The following RP1 variants were observed in gnomAD, a reference collection of about 807,000 sequenced individuals.
RP1 encodes the protein oxygen-regulated protein 1.
In RP1, 16 loss-of-function variants were observed where a neutral mutation model predicts 14.8. The observed-to-expected ratio is 1.08, with a 90% CI of 0.73 to 1.65. The LOEUF is 1.65. Ranked by LOEUF, RP1 falls within the 40% of genes most tolerant of loss-of-function variation. The pLI is 0.00. For missense variants in RP1, 2,631 were observed against 2,535.0 expected (o/e 1.04, Z -0.81); for synonymous variants, 876 against 883.6 (o/e 0.99, Z 0.15).
chr8:54,759,070 G>A (rs745391150), exon 22 of RP1: 26 of 1,533,942 alleles, frequency 1.7e-5, no homozygotes, highest in Middle Eastern at 1.9e-4. Flanking sequence ...ATCTTTACCT[G>A]TCAAAGGTAA....
intron 1 of RP1, among the ~76,000 whole-genome samples, chr8:54,582,907 G>A (rs1177434478): frequency 1.3e-5 from 2 of 152,176 alleles, no homozygotes; most frequent in South Asian, 2.1e-4. Flanking sequence ...GGGCTGAGAG[G>A]ATGGGGTTTT....
chr8:54,687,658 G>A (rs1807599132), intron 12 of RP1, among the ~76,000 whole-genome samples: 1 of 152,090 alleles, frequency 6.6e-6, no homozygotes, highest in Admixed American at 6.6e-5. Flanking sequence ...TTTTATGGCT[G>A]CATAATATTC....
chr8:54,698,420 C>A (rs991527246), intron 12 of RP1, among the ~76,000 whole-genome samples: 2 of 152,138 alleles, frequency 1.3e-5, no homozygotes, highest in African/African-American at 4.8e-5. Context: ...GAAATAGGAA[C>A]GCTTTTACGC....
chr8:54,578,166 G>A (rs1266445189), intron 1 of RP1, among the ~76,000 whole-genome samples: 2 of 151,872 alleles, frequency 1.3e-5, no homozygotes, highest in Non-Finnish European at 1.5e-5. Flanking sequence ...ATTATAGAGC[G>A]AGAAATGGGA....
chr8:54,622,102 T>C lies in RP1; in HGVS notation c.616-15T>C. 1 of 1,614,018 alleles carries C rather than the reference T, an allele frequency of 6.2e-7. No individual in the cohort carries two copies. The highest frequency in any genetic ancestry group is 1.3e-5 in the African/African-American group (1 of 75,050). ...AATGTGCTCATCTCAGGATAATGAC[T>C]CTGGTCTCTTTTAGGTTCCCAGCCT... On this transcript the variant is annotated splice_polypyrimidine_tract_variant and intron_variant, in intron 2 of 3. Transcript: ENST00000220676.
rs576244844 is a variant in RP1 at position 54,630,077 on chromosome 8, C to G, written c.6195C>G (p.Val2065=). 1.2e-6 allele frequency: 2 copies of G among 1,613,802 alleles called. No individual in the cohort carries two copies. Among genetic ancestry groups the G allele is most frequent in the South Asian group, 2.2e-5 (2 of 91,046 alleles). Residue 2065 remains valine (V), a synonymous_variant, in exon 4 of 4, where the codon GTC becomes GTG. Transcript: ENST00000220676. ...SGQTNEIFKA[V]DENNNLLNNR... is the part of the protein sequence containing the mutation. ...AGACAAATGAAATCTTTAAAGCAGTCGATGAGAATAACAACTTATTAAATA... is the reference window on the plus strand; with the variant it reads ...AGACAAATGAAATCTTTAAAGCAGTGGATGAGAATAACAACTTATTAAATA...
chr8:54,858,960 GAGTGTCACTGTAGAGC>G (rs1812272568), intron 27 of RP1, among the ~76,000 whole-genome samples: 1 of 151,110 alleles, frequency 6.6e-6, no homozygotes, highest in South Asian at 2.1e-4. Flanking sequence ...CACTGTAAAG[GAGTGTCACTGTAGAGC>G]AGTGTCACTG....
intron 12 of RP1, among the ~76,000 whole-genome samples, chr8:54,687,718 C>T (rs1807602317): frequency 6.6e-6 from 1 of 152,112 alleles, no homozygotes; most frequent in African/African-American, 2.4e-5. Flanking sequence ...CATTGATGGG[C>T]ATTTGTGTCG....
intron 25 of RP1, among the ~76,000 whole-genome samples, chr8:54,846,704 C>G (rs1168557283): frequency 6.6e-6 from 1 of 151,848 alleles, no homozygotes; most frequent in Non-Finnish European, 1.5e-5. Context: ...ATACTTTCTT[C>G]TCATTTCTGC....
intron 12 of RP1, chr8:54,697,088 C>T: frequency 2.5e-6 from 4 of 1,571,892 alleles, no homozygotes; most frequent in African/African-American, 1.3e-5. Flanking sequence ...GATGGGCACA[C>T]CTGGCTATCG....
Position 54,626,311 on chromosome 8 carries a change from G to A in RP1, c.2429G>A (p.Cys810Tyr), listed in dbSNP as rs1806046371. The A allele has an allele frequency of 5.0e-6, 8 of 1,613,130 alleles. No homozygotes were observed. The highest frequency in any genetic ancestry group is 1.3e-5 in the African/African-American group (1 of 74,912). The change falls in exon 4 of 4, where the codon TGC becomes TAC. Residue 810 changes from cysteine to tyrosine, a missense_variant. Cys to Tyr is a radical substitution (Grantham distance 194). Coordinates refer to ENST00000220676, the MANE Select transcript of RP1 (RefSeq NM_006269.2). Reference sequence around the variant, plus strand: ...TTTCCTCACAATGAATCTAAATATTGCAAAAGTACTTTTGAAAACAAAAGT... The same window carrying A: ...TTTCCTCACAATGAATCTAAATATTACAAAAGTACTTTTGAAAACAAAAGT... ...KVFPHNESKY[C>Y]KSTFENKSLF...
chr8:54,786,596 A>G (rs938726826), intron 24 of RP1, among the ~76,000 whole-genome samples: 14 of 152,090 alleles, frequency 9.2e-5, no homozygotes, highest in African/African-American at 3.4e-4. Context: ...TTTTCATTGA[A>G]TACATGCTCC....
In RP1 at chr8:54,748,791, A is replaced by AT. The variant is rs1422389895; in HGVS notation, c.2809-6006dup. Among the ~76,000 whole-genome samples, 15 of 152,178 alleles carry AT rather than the reference A, an allele frequency of 9.9e-5. No homozygotes were observed. The East Asian group carries it at 2.5e-3, about 25-fold the overall frequency. On this transcript the variant is annotated intron_variant, in intron 19 of 22. Transcript: ENST00000636932. The stretch of plus-strand genomic sequence containing the variant: ...AACGTGTTGGTGACTATTTGCCTTT[A>AT]TTTTTTCAGAAAAAGCTTTGTGTAT...
chr8:54,808,340 G>A (rs1196165392), intron 24 of RP1, among the ~76,000 whole-genome samples: 3 of 152,206 alleles, frequency 2.0e-5, no homozygotes, highest in Non-Finnish European at 4.4e-5. Flanking sequence ...GGGGCAAATG[G>A]AAGATGGTCT....
At chr8:54,686,416 A>G (rs1167522168) in intron 12 of RP1, among the ~76,000 whole-genome samples, 1 of 151,658 alleles carries the variant, frequency 6.6e-6, no homozygotes, top group East Asian at 1.9e-4. Context: ...CCATGAACCA[A>G]TATTTCTATT....
chr8:54,573,045 T>G (rs1362235011), intron 1 of RP1, among the ~76,000 whole-genome samples: 3 of 152,286 alleles, frequency 2.0e-5, no homozygotes, highest in Middle Eastern at 3.4e-3. Context: ...AAATAGAGAT[T>G]TTCTAATGTC....
At chr8:54,635,708 C>T (rs942501887), downstream of RP1, among the ~76,000 whole-genome samples, 4 of 152,070 alleles carry the variant, frequency 2.6e-5, 1 homozygote, top group South Asian at 8.3e-4. Flanking sequence ...ATTTGTTCCT[C>T]ACTTCTTTGA....
At chr8:54,586,139 G>C (rs201420877) in intron 1 of RP1, among the ~76,000 whole-genome samples, 1 of 152,074 alleles carries the variant, frequency 6.6e-6, no homozygotes, top group Non-Finnish European at 1.5e-5. Flanking sequence ...TATCTACCTT[G>C]GGTCTTTGAT....
chr8:54,685,975 C>T (rs1585605813), intron 12 of RP1, among the ~76,000 whole-genome samples: 1 of 152,168 alleles, frequency 6.6e-6, no homozygotes, highest in African/African-American at 2.4e-5. Flanking sequence ...CAACCAGCAG[C>T]CATCACCAAC....
Sources: gnomAD v4.1 joint callset for allele counts (sites outside exome capture counted in the v4.1 genomes callset) on GRCh38, gnomAD v4.1.1 for gene constraint, MANE v1.5 for transcripts, NCBI Gene and HGNC (gene_info 2026-07-23, HGNC 2026-07-21) for gene names.